The following CCDC33 variants were observed in gnomAD, a reference collection of about 807,000 sequenced individuals.
The protein encoded by CCDC33 is coiled-coil domain-containing protein 33.
A neutral mutation model predicts 91.9 loss-of-function variants in CCDC33; 94 were observed. The observed-to-expected ratio is 1.02, with a 90% CI of 0.87 to 1.21. The LOEUF (loss-of-function observed/expected upper bound fraction) is 1.21, where lower values mean the gene tolerates loss of function less well. Ranked by LOEUF, CCDC33 falls within the 50% of genes most tolerant of loss-of-function variation. The probability of loss-of-function intolerance (pLI) is 0.00; values close to 1 mark genes in which losing one functional copy is unlikely to be tolerated. For missense variants in CCDC33, 940 were observed against 935.5 expected (o/e 1.00, Z -0.06); for synonymous variants, 396 against 374.5 (o/e 1.06, Z -0.66).
At chr15:74,318,748 A>G in intron 11 of CCDC33, 1 of 689,572 alleles carries the variant, frequency 1.5e-6, no homozygotes, top group Non-Finnish European at 2.7e-6. Flanking sequence ...AGCAACCAGT[A>G]GAGGTGTTCC....
At chr15:74,334,087 T>G (rs747720038) in intron 17 of CCDC33, 120 bp downstream of exon 17, 3 of 876,508 alleles carry the variant, frequency 3.4e-6, no homozygotes, top group Non-Finnish European at 3.4e-6. Context: ...GCTTAGTGTG[T>G]GGCCAGGGTC....
chr15:74,211,749 C>T (rs2074371230), intron 2 of CCDC33, among the ~76,000 whole-genome samples: 1 of 151,968 alleles, frequency 6.6e-6, no homozygotes, highest in Non-Finnish European at 1.5e-5. Context: ...GCCTTTCTGC[C>T]CCTGTCCATC....
At chr15:74,213,614 C>T (rs1391077152), upstream of CCDC33, 1 of 152,230 alleles carries the variant, frequency 6.6e-6, no homozygotes, top group South Asian at 2.1e-4. Flanking sequence ...GAAGCTTTCC[C>T]CTGGCCGCTG....
At chr15:74,233,734 G>A (rs1240985704), upstream of CCDC33, among the ~76,000 whole-genome samples, 2 of 152,222 alleles carry the variant, frequency 1.3e-5, no homozygotes, top group Non-Finnish European at 2.9e-5. Flanking sequence ...CTTTACCTGC[G>A]TGGTCTCATT....
intron 11 of CCDC33, among the ~76,000 whole-genome samples, chr15:74,305,591 A>G (rs542169168): frequency 1.3e-5 from 2 of 152,360 alleles, no homozygotes; most frequent in African/African-American, 4.8e-5. Flanking sequence ...CCACATGAGC[A>G]CAGGGAGCAA....
intron 1 of CCDC33, 75 bp downstream of exon 1, chr15:74,236,815 T>C: frequency 6.8e-7 from 1 of 1,464,186 alleles, no homozygotes; most frequent in South Asian, 1.2e-5. Context: ...AAAGTTTTGT[T>C]TGCTCCTTAA....
At chr15:74,253,537 C>T (rs187262677) in intron 2 of CCDC33, among the ~76,000 whole-genome samples, 15 of 152,180 alleles carry the variant, frequency 9.9e-5, no homozygotes, top group African/African-American at 3.6e-4. Flanking sequence ...TCGTTCCCCC[C>T]CTCCTTCTCT....
intron 15 of CCDC33, 105 bp downstream of exon 15, chr15:74,331,401 C>G (rs1004275027): frequency 2.6e-6 from 3 of 1,134,898 alleles, no homozygotes; most frequent in Non-Finnish European, 3.8e-6. Flanking sequence ...CGAAGAGGTC[C>G]CCTGCACTCA....
At chr15:74,333,700 C>T (rs577443702) in intron 16 of CCDC33, among the ~76,000 whole-genome samples, 181 bp from the exon 17 acceptor site, 1 of 152,244 alleles carries the variant, frequency 6.6e-6, no homozygotes, top group Non-Finnish European at 1.5e-5. Context: ...GAAAAAAGCA[C>T]ATGCCAGACC....
At chr15:74,278,688 C>A (rs377317278) in intron 7 of CCDC33, among the ~76,000 whole-genome samples, 75 of 152,382 alleles carry the variant, frequency 4.9e-4, no homozygotes, top group Non-Finnish European at 9.4e-4. Context: ...CTTTATCCCT[C>A]TCTTCACCCA....
chr15:74,208,079 G>A (rs1400705596), intron 1 of CCDC33: 7 of 1,224,728 alleles, frequency 5.7e-6, no homozygotes, highest in East Asian at 4.5e-5. Flanking sequence ...AGGCTGTTCT[G>A]GTATGAGGGT....
chr15:74,246,808 TCTCA>T (rs2075545481), intron 2 of CCDC33, among the ~76,000 whole-genome samples: 1 of 152,166 alleles, frequency 6.6e-6, no homozygotes, highest in African/African-American at 2.4e-5. Flanking sequence ...GATCCCGCAA[TCTCA>T]CTACTGGGTA....
intron 2 of CCDC33, among the ~76,000 whole-genome samples, chr15:74,252,719 G>A (rs546821012): frequency 6.6e-6 from 1 of 152,292 alleles, no homozygotes; most frequent in South Asian, 2.1e-4. Flanking sequence ...GGATCCCCAT[G>A]GGAAAAAAGA....
At chr15:74,307,975 T>C (rs1421145080) in intron 11 of CCDC33, among the ~76,000 whole-genome samples, 2 of 144,022 alleles carry the variant, frequency 1.4e-5, no homozygotes, top group African/African-American at 2.5e-5. Flanking sequence ...CTCTCTCGAG[T>C]GCATAAGGGT....
At chr15:74,217,320 C>G in exon 1 of CCDC33, 2 of 1,288,956 alleles carry the variant, frequency 1.6e-6, no homozygotes, top group Non-Finnish European at 2.0e-6. Flanking sequence ...CCTGCTGAGA[C>G]AGAGGCTGAA....
intron 1 of CCDC33, chr15:74,209,137 C>T (rs2074328184): frequency 3.8e-6 from 5 of 1,303,458 alleles, no homozygotes; most frequent in Admixed American, 6.6e-5. Flanking sequence ...ACCCACCCCA[C>T]CCCCATCTCC....
chr15:74,309,609 C>G (rs908496621), intron 11 of CCDC33, among the ~76,000 whole-genome samples: 2 of 151,940 alleles, frequency 1.3e-5, no homozygotes, highest in Admixed American at 6.5e-5. Flanking sequence ...GAGCTTCTGG[C>G]GCCTTTTTTT....
chr15:74,255,576 C>G (rs2075836275), intron 2 of CCDC33, among the ~76,000 whole-genome samples: 1 of 152,276 alleles, frequency 6.6e-6, no homozygotes, highest in Admixed American at 6.5e-5. Context: ...CTGCGGTGCC[C>G]TGTGGCGTTG....
chr15:74,243,855 G>A, intron 1 of CCDC33, 130 bp from the exon 2 acceptor site: 2 of 970,554 alleles, frequency 2.1e-6, no homozygotes, highest in East Asian at 2.5e-5. Flanking sequence ...TGAGGCAGGA[G>A]AATTGCTTGA....
Sources: allele counts gnomAD v4.1 joint callset (sites outside exome capture counted in the v4.1 genomes callset), GRCh38; gene constraint gnomAD v4.1.1; transcripts MANE v1.5; gene names NCBI Gene and HGNC (gene_info 2026-07-23, HGNC 2026-07-21).